CEP112: variants seen among roughly 807,000 people sequenced by gnomAD.
CEP112 encodes centrosomal protein 112.
In CEP112, 127 loss-of-function variants were observed where a neutral mutation model predicts 153.0. The observed-to-expected ratio is 0.83, with a 90% CI of 0.72 to 0.96. The LOEUF (loss-of-function observed/expected upper bound fraction) is 0.96. Among genes scored for constraint, CEP112 ranks in the 40% least tolerant of loss-of-function variants. The pLI is 0.00. For synonymous variants in CEP112, 358 were observed against 374.4 expected, an observed-to-expected ratio of 0.96 and a Z score of 0.51; for missense variants, 1,089 against 1,101.2, an observed-to-expected ratio of 0.99 and a Z score of 0.16.
At chr17:66,158,360 C>T (rs1208886068) in intron 4 of CEP112, among the ~76,000 whole-genome samples, 2 of 152,116 alleles carry the variant, frequency 1.3e-5, no homozygotes, top group African/African-American at 2.4e-5. Flanking sequence ...CACCTGTAAT[C>T]CCAGCACTTT....
At chr17:65,837,054 C>T (rs2057335604) in intron 21 of CEP112, among the ~76,000 whole-genome samples, 1 of 152,220 alleles carries the variant, frequency 6.6e-6, no homozygotes, top group Non-Finnish European at 1.5e-5. Context: ...ATCTGCCAGC[C>T]TCGGCCTCCC....
intron 12 of CEP112, among the ~76,000 whole-genome samples, chr17:66,038,591 A>AT (rs2065843741): frequency 6.6e-6 from 1 of 152,246 alleles, no homozygotes; most frequent in Non-Finnish European, 1.5e-5. Flanking sequence ...AAGAATGCTG[A>AT]TGTAGAACTA....
At chr17:65,704,271 T>C (rs1454297267) in intron 23 of CEP112, among the ~76,000 whole-genome samples, 1 of 152,162 alleles carries the variant, frequency 6.6e-6, no homozygotes, top group Non-Finnish European at 1.5e-5. Context: ...GACTTCGGAC[T>C]TGTGGCCTCT....
intron 2 of CEP112, among the ~76,000 whole-genome samples, chr17:66,180,796 A>C (rs1312538528): frequency 2.0e-5 from 3 of 152,140 alleles, no homozygotes; most frequent in Non-Finnish European, 4.4e-5. Context: ...TGCAAATCAT[A>C]AATCTGCTCT....
At chr17:66,170,568 C>T (rs146721808) in intron 4 of CEP112, among the ~76,000 whole-genome samples, 52 of 152,032 alleles carry the variant, frequency 3.4e-4, no homozygotes, top group Non-Finnish European at 6.9e-4. Context: ...AATTCGAGAC[C>T]AGCCTGGCCA....
At chr17:66,088,757 T>G (rs1393650195) in intron 8 of CEP112, among the ~76,000 whole-genome samples, 4 of 152,040 alleles carry the variant, frequency 2.6e-5, no homozygotes, top group African/African-American at 9.7e-5. Context: ...CAATAAACTG[T>G]GGTGCCAAGC....
At chr17:65,713,617 C>T (rs915902958) in intron 23 of CEP112, among the ~76,000 whole-genome samples, 4 of 152,164 alleles carry the variant, frequency 2.6e-5, no homozygotes, top group Non-Finnish European at 4.4e-5. Flanking sequence ...GATGGAGTCT[C>T]GCTCTGTCGC....
Position 66,083,651 on chromosome 17 carries a change from C to T in CEP112, c.768+12600G>A, listed in dbSNP as rs566467589. Among the ~76,000 whole-genome samples, 122 of 152,300 alleles carry T rather than the reference C, an allele frequency of 8.0e-4. 3 individuals carry two copies. The South Asian group carries it at 0.024, about 30-fold the overall frequency. ...ACTGCCTGAGCTCAGGAGTTCGAAA[C>T]CAGCCCGGGCAACACGGTGAAACCC... On this transcript the variant is annotated intron_variant, in intron 8 of 26. Coordinates refer to ENST00000535342, the MANE Select transcript of CEP112 (RefSeq NM_001199165.4).
intron 21 of CEP112, among the ~76,000 whole-genome samples, chr17:65,777,466 C>T (rs995953129): frequency 1.3e-5 from 2 of 152,168 alleles, no homozygotes; most frequent in African/African-American, 4.8e-5. Flanking sequence ...AAGCTGTCCC[C>T]CTGAGAACAT....
chr17:65,809,583 G>C (rs944330436), intron 21 of CEP112, among the ~76,000 whole-genome samples: 2 of 152,162 alleles, frequency 1.3e-5, no homozygotes, highest in African/African-American at 4.8e-5. Context: ...AAGAATGTAG[G>C]CGTGAAAGAA....
chr17:66,189,178 T>C (rs1433964638), intron 1 of CEP112, among the ~76,000 whole-genome samples: 1 of 152,142 alleles, frequency 6.6e-6, no homozygotes, highest in Non-Finnish European at 1.5e-5. Context: ...CATTTACATA[T>C]AAGTGAGCAA....
At chr17:66,068,291 A>G (rs923686432) in intron 9 of CEP112, among the ~76,000 whole-genome samples, 1 of 152,158 alleles carries the variant, frequency 6.6e-6, no homozygotes. Flanking sequence ...AACAACAGAA[A>G]AGAACGGGGC....
At chr17:66,096,682 TTAA>T in intron 6 of CEP112, 50 bp from the exon 7 acceptor site, 1 of 1,149,082 alleles carries the variant, frequency 8.7e-7, no homozygotes, top group Non-Finnish European at 1.3e-6. Flanking sequence ...TTTTGGAGTT[TTAA>T]TTATTATTTG....
At chr17:66,083,050 C>G (rs748541203) in intron 8 of CEP112, among the ~76,000 whole-genome samples, 1 of 152,062 alleles carries the variant, frequency 6.6e-6, no homozygotes, top group South Asian at 2.1e-4. Flanking sequence ...AAATTAAATA[C>G]TTTAATAAAT....
intron 23 of CEP112, among the ~76,000 whole-genome samples, chr17:65,696,070 CA>C (rs1456297085): frequency 5.9e-5 from 9 of 152,236 alleles, no homozygotes; most frequent in Admixed American, 5.9e-4. Context: ...GTCCTGGAAA[CA>C]CTGTCCTAGC....
At chr17:65,822,184 A>G (rs1264897435) in intron 21 of CEP112, among the ~76,000 whole-genome samples, 1 of 152,032 alleles carries the variant, frequency 6.6e-6, no homozygotes, top group Non-Finnish European at 1.5e-5. Flanking sequence ...AATAATTTGT[A>G]TCTTAAAAAT....
At chr17:65,958,452 T>C (rs11656962) in intron 18 of CEP112, among the ~76,000 whole-genome samples, 72,958 of 151,850 alleles carry the variant, frequency 0.48, 18,519 homozygotes, top group East Asian at 0.89. Context: ...CTCCTGGGGG[T>C]TGGGGAAGGT....
intron 23 of CEP112, among the ~76,000 whole-genome samples, chr17:65,694,149 C>A (rs371005586): frequency 1.3e-5 from 2 of 152,102 alleles, no homozygotes; most frequent in African/African-American, 4.8e-5. Context: ...GGTGCAAATG[C>A]GGAAACTTCC....
chr17:66,153,662 T>C (rs907082734), intron 4 of CEP112, among the ~76,000 whole-genome samples: 9 of 152,004 alleles, frequency 5.9e-5, no homozygotes, highest in Non-Finnish European at 1.2e-4. Flanking sequence ...GAAATGTATA[T>C]GGAAATGCAA....
Sources: gnomAD v4.1 joint callset for allele counts (sites outside exome capture counted in the v4.1 genomes callset) on GRCh38, gnomAD v4.1.1 for gene constraint, MANE v1.5 for transcripts, NCBI Gene and HGNC (gene_info 2026-07-23, HGNC 2026-07-21) for gene names.